Variants in MORN2 observed in about 807,000 individuals in gnomAD.
MORN2 encodes the protein MORN repeat-containing protein 2.
Under a neutral mutation model 13.4 loss-of-function variants are expected in MORN2, and 15 were observed. That is an observed-to-expected ratio of 1.12 (90% CI 0.75 to 1.72). MORN2 has a LOEUF of 1.72. Among genes scored for constraint, MORN2 ranks in the 40% most tolerant of loss-of-function variants. The probability of loss-of-function intolerance (pLI) is 0.00; values close to 1 mark genes in which losing one functional copy is unlikely to be tolerated. For missense variants in MORN2, 168 were observed against 134.6 expected (o/e 1.25, Z -1.23); for synonymous variants, 46 against 43.6 (o/e 1.06, Z -0.22).
At position 38,879,071 on chromosome 2, in the gene MORN2, G is replaced by A. The variant is rs185728780; in HGVS notation, c.59-1108G>A. Among the ~76,000 whole-genome samples the A allele has an allele frequency of 7.2e-5, 11 of 152,212 alleles. No individual in the cohort carries two copies. The East Asian group carries it at 7.7e-4, about 11-fold the overall frequency. On this transcript the variant is annotated intron_variant, in intron 1 of 4. Transcript: ENST00000644631. The stretch of plus-strand genomic sequence containing the variant: ...GGCCCAGAGTCCCCCTCAGTCTTGC[G>A]GTCCTCTTTCTTCCTTTTTCACTTG...
At chr2:38,879,453 G>A (rs1196765250) in intron 1 of MORN2, among the ~76,000 whole-genome samples, 2 of 152,082 alleles carry the variant, frequency 1.3e-5, no homozygotes, top group African/African-American at 4.8e-5. Flanking sequence ...AATATACTTG[G>A]CTATAAAAAG....
intron 4 of MORN2, among the ~76,000 whole-genome samples, chr2:38,882,123 T>C (rs1040737819): frequency 4.6e-5 from 7 of 152,186 alleles, no homozygotes; most frequent in Non-Finnish European, 7.3e-5. Flanking sequence ...TTTTCATTTT[T>C]TTAACTCATT....
chr2:38,877,491 C>G (rs1017571926), intron 1 of MORN2, among the ~76,000 whole-genome samples: 3 of 151,994 alleles, frequency 2.0e-5, no homozygotes, highest in African/African-American at 7.2e-5. Flanking sequence ...GCAAACATAA[C>G]TAAATTCAGA....
chr2:38,881,374 T>C, intron 3 of MORN2, 68 bp from the exon 4 acceptor site: 3 of 1,380,314 alleles, frequency 2.2e-6, no homozygotes, highest in Admixed American at 2.9e-5. Flanking sequence ...CTTATATTTG[T>C]ACATTTTTTA....
At chr2:38,880,800 TG>T in intron 3 of MORN2, 94 bp downstream of exon 3, 2 of 1,308,028 alleles carry the variant, frequency 1.5e-6, no homozygotes, top group Non-Finnish European at 2.1e-6. Context: ...ACTCCTATAA[TG>T]AGTAGACTAT....
intron 1 of MORN2, among the ~76,000 whole-genome samples, chr2:38,879,325 T>C (rs2124967101): frequency 6.6e-6 from 1 of 152,326 alleles, no homozygotes; most frequent in East Asian, 1.9e-4. Context: ...TTTGAAAATG[T>C]ACATCAGTGT....
chr2:38,876,127 C>G lies in MORN2; in HGVS notation c.58+17C>G, dbSNP rs948697578. 10 of 398,740 alleles carry G rather than the reference C, an allele frequency of 2.5e-5. No individual in the cohort carries two copies. The Admixed American group carries it at 2.6e-4, about 11-fold the overall frequency. 24.7% of individuals were successfully genotyped at this position (398,740 alleles called of 1,614,324 possible). A position where few individuals can be genotyped will look rare whatever the true frequency, so the allele number is the denominator to read the frequency against. The stretch of plus-strand genomic sequence containing the variant: ...CTCGGCCAAGTGAGTGTCCCTCCTC[C>G]TAACGACCCGGGCAGAGAAGAGCTC... On this transcript the variant is annotated intron_variant, in intron 1 of 4. Coordinates refer to ENST00000644631, the MANE Select transcript of MORN2 (RefSeq NM_001145450.3).
chr2:38,881,489 A>G lies in MORN2; in HGVS notation c.264A>G (p.Glu88=). ...AGCATTTTTCAGGAGCAGTATATGA[A>G]GGACAATTTAAGGATAATATGTTTC... Residue 88 remains glutamate, a synonymous_variant, in exon 4 of 5, where the codon GAA becomes GAG. Coordinates refer to ENST00000644631, the MANE Select transcript of MORN2 (RefSeq NM_001145450.3). 1.9e-6 allele frequency: 3 copies of G among 1,546,180 alleles called. No homozygotes were observed.
intron 1 of MORN2, among the ~76,000 whole-genome samples, chr2:38,878,772 G>A (rs539469210): frequency 2.2e-4 from 33 of 152,078 alleles, no homozygotes; most frequent in African/African-American, 6.3e-4. Flanking sequence ...TCTCTCTGAG[G>A]ATGTTACAGT....
At chr2:38,878,557 C>T (rs1197540717) in intron 1 of MORN2, among the ~76,000 whole-genome samples, 2 of 152,010 alleles carry the variant, frequency 1.3e-5, no homozygotes, top group African/African-American at 2.4e-5. Context: ...AGCCATCTCA[C>T]TCACACTTTG....
chr2:38,881,485 A>G lies in MORN2; in HGVS notation c.260A>G (p.Tyr87Cys). The change falls in exon 4 of 5, where the codon TAT becomes TGT. Residue 87 changes from tyrosine to cysteine, a missense_variant. Transcript: ENST00000644631. ...CTTGAGCATTTTTCAGGAGCAGTAT[A>G]TGAAGGACAATTTAAGGATAATATG... 2.6e-6 allele frequency: 4 copies of G among 1,546,284 alleles called. No individual in the cohort carries two copies. Among genetic ancestry groups the G allele is most frequent in the Admixed American group, 2.0e-5 (1 of 49,998 alleles).
intron 1 of MORN2, among the ~76,000 whole-genome samples, chr2:38,878,430 T>C (rs1471898140): frequency 2.0e-5 from 3 of 152,216 alleles, no homozygotes; most frequent in Non-Finnish European, 4.4e-5. Flanking sequence ...CAAATATCCC[T>C]TATTCTTTCC....
At chr2:38,879,859 C>G (rs1049015379) in intron 1 of MORN2, among the ~76,000 whole-genome samples, 1 of 152,112 alleles carries the variant, frequency 6.6e-6, no homozygotes, top group African/African-American at 2.4e-5. Flanking sequence ...AAGAGATCAT[C>G]TAGGCAAAAT....
chr2:38,879,200 A>C (rs1665721627), intron 1 of MORN2, among the ~76,000 whole-genome samples: 2 of 151,966 alleles, frequency 1.3e-5, no homozygotes, highest in Admixed American at 1.3e-4. Flanking sequence ...TCCTCACTCC[A>C]CCTTACCTCT....
In MORN2 at chr2:38,880,713, T is replaced by C. The variant is rs936256086; in HGVS notation, c.216+7T>C. ...AAGCTGGAAAGATGACAAGGTATTA[T>C]TGTTGTTTTTAATATTGGCAGTGGA... On this transcript the variant is annotated splice_region_variant and intron_variant, in intron 3 of 4. Coordinates refer to ENST00000644631, the MANE Select transcript of MORN2 (RefSeq NM_001145450.3). The C allele has an allele frequency of 1.9e-6, 3 of 1,549,960 alleles. No homozygotes were observed. In the African/African-American group the frequency reaches 4.1e-5, roughly 21 times the overall value.
intron 1 of MORN2, among the ~76,000 whole-genome samples, chr2:38,877,998 G>C (rs923165477): frequency 2.0e-5 from 3 of 151,820 alleles, no homozygotes; most frequent in African/African-American, 7.3e-5. Context: ...GTTTCACCAT[G>C]TTGCCCAGGC....
Position 38,882,539 on chromosome 2 carries a change from A to G in MORN2, c.*24A>G. On this transcript the variant is annotated 3_prime_UTR_variant, in exon 5 of 5. Transcript: ENST00000644631. ...AGATGTGATGTTAAATTAAAGTTGA[A>G]ATGTAGTAATTGAAGCTTTTAGTTG... The G allele has an allele frequency of 6.7e-7, 1 of 1,497,246 alleles. No homozygotes were observed. The highest frequency in any genetic ancestry group is 9.1e-7 in the Non-Finnish European group (1 of 1,098,982). 92.7% of individuals were successfully genotyped at this position (1,497,246 alleles called of 1,614,324 possible). A position where few individuals can be genotyped will look rare whatever the true frequency, so the allele number is the denominator to read the frequency against.
rs1169422518 is a variant in MORN2, at chr2:38,881,499, A to C, written c.274A>C (p.Lys92Gln). 2.6e-6 allele frequency: 4 copies of C among 1,545,868 alleles called. No homozygotes were observed. The highest frequency in any genetic ancestry group is 1.4e-5 in the African/African-American group (1 of 72,786). The change falls in exon 4 of 5, where the codon AAG (lysine) becomes CAG (glutamine). Residue 92 changes from lysine to glutamine, a missense_variant. Transcript: ENST00000644631. ...AGGAGCAGTATATGAAGGACAATTT[A>C]AGGATAATATGTTTCATGGACTGGG...
At chr2:38,881,737 G>T (rs1434717633) in intron 4 of MORN2, among the ~76,000 whole-genome samples, 159 bp downstream of exon 4, 1 of 152,054 alleles carries the variant, frequency 6.6e-6, no homozygotes, top group Non-Finnish European at 1.5e-5. Context: ...TGCAACCTCT[G>T]CCTCCCGGGT....
Sources: allele counts gnomAD v4.1 joint callset (sites outside exome capture counted in the v4.1 genomes callset), GRCh38; gene constraint gnomAD v4.1.1; transcripts MANE v1.5; gene names NCBI Gene and HGNC (gene_info 2026-07-23, HGNC 2026-07-21).